Variants in GDPD4 observed in about 807,000 individuals in gnomAD.
The protein encoded by GDPD4 is glycerophosphodiester phosphodiesterase 6.
A neutral mutation model predicts 67.8 loss-of-function variants in GDPD4; 60 were observed. The ratio of observed to expected loss-of-function variants is 0.88; its 90% CI spans 0.72 to 1.10. The LOEUF is 1.10. GDPD4 is among the 50% of genes least tolerant of loss of function. GDPD4 has a pLI of 0.00. For synonymous variants in GDPD4, 212 were observed against 210.9 expected (o/e 1.00, Z -0.04); for missense variants, 623 against 613.9 (o/e 1.01, Z -0.16).
In GDPD4 at chr11:77,216,896, T is replaced by G. The variant is rs1389979569; in HGVS notation, c.*381A>C. 1 of 687,594 alleles carries G rather than the reference T, an allele frequency of 1.5e-6. No individual in the cohort carries two copies. Among genetic ancestry groups the G allele is most frequent in the East Asian group, 2.7e-5 (1 of 37,092 alleles). The allele number at this position is 687,594 out of a possible 1,614,324, so 42.6% of individuals were successfully genotyped here. ...GGAATATATTGTGACATAGGATTAT[T>G]TGGAGTATTCAGCCATGGGGATCTC... is the stretch of plus-strand genomic sequence containing the variant. On this transcript the variant is annotated 3_prime_UTR_variant, in exon 17 of 17. Coordinates refer to ENST00000315938, the MANE Select transcript of GDPD4 (RefSeq NM_182833.3).
intron 13 of GDPD4, among the ~76,000 whole-genome samples, chr11:77,239,782 G>C (rs950030299): frequency 6.6e-6 from 1 of 152,024 alleles, no homozygotes; most frequent in Non-Finnish European, 1.5e-5. Flanking sequence ...CTAACATGGG[G>C]AAACCTGGTC....
chr11:77,284,653 T>G (rs574187152), intron 3 of GDPD4, among the ~76,000 whole-genome samples: 43 of 152,196 alleles, frequency 2.8e-4, no homozygotes, highest in Admixed American at 5.2e-4. Context: ...TTCAGAATCG[T>G]AGGAAGCCTC....
At chr11:77,297,010 C>T (rs1450085989) in intron 1 of GDPD4, among the ~76,000 whole-genome samples, 7 of 148,424 alleles carry the variant, frequency 4.7e-5, no homozygotes, top group Non-Finnish European at 8.9e-5. Context: ...GCCAAGATCG[C>T]GCCACTGCAC....
At chr11:77,261,420 T>C (rs1354393307) in intron 10 of GDPD4, among the ~76,000 whole-genome samples, 4 of 151,766 alleles carry the variant, frequency 2.6e-5, no homozygotes, top group Non-Finnish European at 5.9e-5. Flanking sequence ...CTATTTTTAG[T>C]AGAGATGGGG....
In GDPD4 at chr11:77,270,973, T is replaced by C. The variant is rs535979303; in HGVS notation, c.400+157A>G. 50 of 599,514 alleles carry C rather than the reference T, an allele frequency of 8.3e-5. No homozygotes were observed. In the South Asian group the frequency reaches 1.1e-3, roughly 13 times the overall value. The allele number at this position is 599,514 out of a possible 1,614,324, so 37.1% of individuals were successfully genotyped here. On this transcript the variant is annotated intron_variant, in intron 7 of 16. Transcript: ENST00000315938. ...GCCATTGGCCACTATAACAGGGTAG[T>C]GAGTGAAAGCACAGGAGCATGCCTG...
intron 14 of GDPD4, among the ~76,000 whole-genome samples, chr11:77,230,459 G>C (rs1958431489): frequency 6.6e-6 from 1 of 152,150 alleles, no homozygotes; most frequent in Non-Finnish European, 1.5e-5. Context: ...AATTAGATTA[G>C]GTGTAGGTGA....
At chr11:77,234,552 T>C (rs2135832505) in intron 13 of GDPD4, among the ~76,000 whole-genome samples, 1 of 152,300 alleles carries the variant, frequency 6.6e-6, no homozygotes, top group South Asian at 2.1e-4. Flanking sequence ...TTTATGTCCA[T>C]GTGTACCCAA....
chr11:77,276,112 A>G, intron 5 of GDPD4, 49 bp downstream of exon 5: 1 of 1,371,158 alleles, frequency 7.3e-7, no homozygotes, highest in Non-Finnish European at 1.0e-6. Context: ...GGCCTGGTCT[A>G]AGGTTCAGTC....
rs575219818 is a variant in GDPD4, at chr11:77,245,910, C to A, written c.865-408G>T. On this transcript the variant is annotated intron_variant, in intron 11 of 16. Coordinates refer to ENST00000315938, the MANE Select transcript of GDPD4 (RefSeq NM_182833.3). ...TGAATTTAATACCAGCTCTACCCCT[C>A]CCTTGACTTCCTTGCCATATCCACT... Among the ~76,000 whole-genome samples the A allele has an allele frequency of 3.3e-4, 50 of 152,326 alleles. 1 individual carries two copies. In the South Asian group the frequency reaches 9.1e-3, roughly 28 times the overall value.
At chr11:77,279,864 T>G (rs1285040420) in intron 3 of GDPD4, among the ~76,000 whole-genome samples, 1 of 152,084 alleles carries the variant, frequency 6.6e-6, no homozygotes, top group Non-Finnish European at 1.5e-5. Flanking sequence ...TAATGTAGCA[T>G]ATGAGAGAAA....
At chr11:77,246,048 G>A (rs1432371917) in intron 11 of GDPD4, among the ~76,000 whole-genome samples, 2 of 152,160 alleles carry the variant, frequency 1.3e-5, no homozygotes, top group East Asian at 3.9e-4. Flanking sequence ...ATCCCAGCAG[G>A]CTGAGGCAAA....
intron 1 of GDPD4, among the ~76,000 whole-genome samples, chr11:77,295,089 T>G (rs1017171309): frequency 6.6e-6 from 1 of 151,208 alleles, no homozygotes; most frequent in Non-Finnish European, 1.5e-5. Context: ...CTCAGCCTCT[T>G]GAGTAGCGGG....
At chr11:77,270,852 G>A (rs998702963) in intron 7 of GDPD4, 13 of 350,820 alleles carry the variant, frequency 3.7e-5, no homozygotes, top group African/African-American at 2.6e-4. Context: ...TCTTCAGACA[G>A]TCAATGTATA....
intron 16 of GDPD4, among the ~76,000 whole-genome samples, chr11:77,218,923 GTCAAATGGTATTTCTAGTTCTAGA>G (rs1461310817): frequency 6.6e-6 from 1 of 152,166 alleles, no homozygotes. Flanking sequence ...GGATCACTGG[GTCAAATGGTATTTCTAGTTCTAGA>G]TCCTCGAGGA....
At chr11:77,260,831 A>G (rs1959101596) in intron 10 of GDPD4, among the ~76,000 whole-genome samples, 1 of 152,222 alleles carries the variant, frequency 6.6e-6, no homozygotes, top group Non-Finnish European at 1.5e-5. Flanking sequence ...AATGAATTTA[A>G]AGATGCAGCA....
At position 77,227,335 on chromosome 11, in the gene GDPD4, TTCCTCTAGCC is replaced by T. The variant is rs1481336331; in HGVS notation, c.1525+519_1525+528del. Reference sequence around the variant, plus strand: ...CAATTCCAGGACCGCTGAAGTTTTCTTCCTCTAGCCTCCAACATATATCACCCACAAATGA... The same window carrying T: ...CAATTCCAGGACCGCTGAAGTTTTCTTCCAACATATATCACCCACAAATGA... On this transcript the variant is annotated intron_variant, in intron 16 of 16. Coordinates refer to ENST00000315938, the MANE Select transcript of GDPD4 (RefSeq NM_182833.3). Among the ~76,000 whole-genome samples the T allele has an allele frequency of 5.3e-5, 8 of 152,352 alleles. No individual in the cohort carries two copies. In the East Asian group the frequency reaches 1.3e-3, roughly 26 times the overall value.
At chr11:77,283,135 A>G (rs1415321724) in intron 3 of GDPD4, among the ~76,000 whole-genome samples, 5 of 152,198 alleles carry the variant, frequency 3.3e-5, no homozygotes, top group Non-Finnish European at 7.3e-5. Flanking sequence ...TGCAAGGATG[A>G]TCATGGAAGC....
intron 1 of GDPD4, among the ~76,000 whole-genome samples, chr11:77,296,660 C>T (rs532109280): frequency 6.6e-6 from 1 of 151,750 alleles, no homozygotes; most frequent in Non-Finnish European, 1.5e-5. Context: ...AAAAGACTTT[C>T]TGGAGGAAAT....
chr11:77,230,314 A>G (rs1250779800), intron 14 of GDPD4, among the ~76,000 whole-genome samples: 1 of 152,244 alleles, frequency 6.6e-6, no homozygotes, highest in East Asian at 1.9e-4. Context: ...TTGTTATTGT[A>G]ATAGTGCAAT....
Sources: gnomAD v4.1 joint callset for allele counts (sites outside exome capture counted in the v4.1 genomes callset) on GRCh38, gnomAD v4.1.1 for gene constraint, MANE v1.5 for transcripts, NCBI Gene and HGNC (gene_info 2026-07-23, HGNC 2026-07-21) for gene names.